The following CGNL1 variants were observed in gnomAD, a reference collection of about 807,000 sequenced individuals.
CGNL1 encodes cingulin-like protein 1.
In CGNL1, 132 loss-of-function variants were observed where a neutral mutation model predicts 141.2. The observed-to-expected ratio is 0.93, with a 90% CI of 0.81 to 1.08. The LOEUF is 1.08. CGNL1 is among the 50% of genes least tolerant of loss of function. The probability of loss-of-function intolerance (pLI) is 0.00; values close to 1 mark genes in which losing one functional copy is unlikely to be tolerated. For missense variants in CGNL1, 1,870 were observed against 1,588.6 expected, an observed-to-expected ratio of 1.18 and a Z score of -3.01; for synonymous variants, 690 against 622.1, an observed-to-expected ratio of 1.11 and a Z score of -1.63.
intron 4 of CGNL1, among the ~76,000 whole-genome samples, chr15:57,442,828 AG>A (rs1187510921): frequency 6.6e-6 from 1 of 152,164 alleles, no homozygotes; most frequent in Non-Finnish European, 1.5e-5. Flanking sequence ...CATGTTGCTC[AG>A]GCTGGTCTCG....
At chr15:57,394,332 T>C (rs954116654) in intron 1 of CGNL1, among the ~76,000 whole-genome samples, 1 of 151,810 alleles carries the variant, frequency 6.6e-6, no homozygotes, top group African/African-American at 2.4e-5. Flanking sequence ...TCCATGTTGG[T>C]CAGGCTGCTC....
At chr15:57,546,748 C>A (rs929180968) in intron 18 of CGNL1, among the ~76,000 whole-genome samples, 1 of 152,122 alleles carries the variant, frequency 6.6e-6, no homozygotes, top group Non-Finnish European at 1.5e-5. Flanking sequence ...TTTTTCTGCT[C>A]TAGGGTCTCT....
At chr15:57,425,355 C>A (rs12899790) in intron 1 of CGNL1, among the ~76,000 whole-genome samples, 7 of 152,036 alleles carry the variant, frequency 4.6e-5, no homozygotes, top group Non-Finnish European at 8.8e-5. Context: ...TGGAGCAATA[C>A]CCTGTCTCAA....
chr15:57,429,702 G>C (rs1471008869), intron 1 of CGNL1, among the ~76,000 whole-genome samples: 1 of 152,190 alleles, frequency 6.6e-6, no homozygotes, highest in Non-Finnish European at 1.5e-5. Flanking sequence ...ATGCTGCTTG[G>C]TTAATTAGTG....
chr15:57,500,658 A>AG (rs2064011609), intron 8 of CGNL1, among the ~76,000 whole-genome samples: 1 of 151,432 alleles, frequency 6.6e-6, no homozygotes, highest in East Asian at 1.9e-4. Context: ...GACTTTGGGA[A>AG]AAAAAAGCGT....
intron 10 of CGNL1, 92 bp downstream of exon 10, chr15:57,518,589 C>G (rs147969056): frequency 3.6e-6 from 3 of 843,688 alleles, no homozygotes; most frequent in Middle Eastern, 2.3e-4. Flanking sequence ...CCTTGGCCCT[C>G]TCTTTCCATG....
chr15:57,537,328 C>T (rs1474565946), intron 14 of CGNL1, among the ~76,000 whole-genome samples: 1 of 152,156 alleles, frequency 6.6e-6, no homozygotes, highest in Non-Finnish European at 1.5e-5. Context: ...TTGTGGGCTC[C>T]TACAGTCACT....
At chr15:57,461,168 T>A (rs892654992) in intron 7 of CGNL1, among the ~76,000 whole-genome samples, 1 of 151,994 alleles carries the variant, frequency 6.6e-6, no homozygotes, top group Non-Finnish European at 1.5e-5. Flanking sequence ...GGGGAAAATA[T>A]GAATATTGTG....
chr15:57,500,024 A>T (rs2063999743), intron 8 of CGNL1, among the ~76,000 whole-genome samples: 1 of 151,966 alleles, frequency 6.6e-6, no homozygotes, highest in South Asian at 2.1e-4. Context: ...ATACCTGGTA[A>T]ATGGGTTGGG....
chr15:57,512,532 C>T (rs762945640), intron 8 of CGNL1, among the ~76,000 whole-genome samples: 9 of 152,114 alleles, frequency 5.9e-5, no homozygotes, highest in Non-Finnish European at 1.2e-4. Context: ...CTAAGTGTCT[C>T]AATACACACA....
chr15:57,457,080 A>G (rs1314185206), intron 7 of CGNL1, among the ~76,000 whole-genome samples: 1 of 152,166 alleles, frequency 6.6e-6, no homozygotes, highest in African/African-American at 2.4e-5. Flanking sequence ...CAAAAAAATG[A>G]CAGAATTCTT....
At chr15:57,449,513 T>C (rs2063296603) in intron 4 of CGNL1, among the ~76,000 whole-genome samples, 1 of 152,192 alleles carries the variant, frequency 6.6e-6, no homozygotes, top group African/African-American at 2.4e-5. Context: ...TAGCATCCTA[T>C]AGCATGGAGC....
At position 57,438,982 on chromosome 15, in the gene CGNL1, G is replaced by T. The variant is rs766053332; in HGVS notation, c.983G>T (p.Arg328Leu). 2.3e-5 allele frequency: 37 copies of T among 1,614,150 alleles called. No homozygotes were observed. The highest frequency in any genetic ancestry group is 3.0e-5 in the Non-Finnish European group (35 of 1,180,036). ...ECAIHADNVN[R>L]HENRRYIPFL... ...GCCATCCATGCCGACAACGTCAATC[G>T]TCATGAAAACAGAAGGTATATTCCC... The change falls in exon 2 of 19, where the codon CGT becomes CTT. Residue 328 changes from arginine (R) to leucine (L), a missense_variant. Transcript: ENST00000281282.
At position 57,549,067 on chromosome 15, in the gene CGNL1, G is replaced by A. The variant is rs1367492610; in HGVS notation, c.*1577G>A. ...ATCGCCAGCAGCAGGCTGGCAGGGA[G>A]TGGTTGAGGTCTGGGGGCCAGGCCA... On this transcript the variant is annotated 3_prime_UTR_variant, in exon 19 of 19. Transcript: ENST00000281282. 1 of 152,452 alleles carries A rather than the reference G, an allele frequency of 6.6e-6. No homozygotes were observed. Among genetic ancestry groups the A allele is most frequent in the Non-Finnish European group, 1.5e-5 (1 of 68,218 alleles). 9.4% of individuals were successfully genotyped at this position (152,452 alleles called of 1,614,324 possible).
chr15:57,515,544 G>C (rs1456409550), intron 8 of CGNL1, among the ~76,000 whole-genome samples: 1 of 152,188 alleles, frequency 6.6e-6, no homozygotes, highest in African/African-American at 2.4e-5. Flanking sequence ...TTGTAGGCAT[G>C]AGATTTGCTG....
chr15:57,533,338 TCTC>T (rs2032063726), intron 14 of CGNL1, among the ~76,000 whole-genome samples: 1 of 152,184 alleles, frequency 6.6e-6, no homozygotes, highest in South Asian at 2.1e-4. Context: ...AACCTTGACA[TCTC>T]CTCTACTGCC....
At chr15:57,465,383 CTT>C (rs11332989) in intron 8 of CGNL1, among the ~76,000 whole-genome samples, 135 of 80,840 alleles carry the variant, frequency 1.7e-3, no homozygotes, top group East Asian at 3.1e-3. Context: ...TAAAAACTGA[CTT>C]TTTTTTTTTT....
intron 10 of CGNL1, among the ~76,000 whole-genome samples, chr15:57,521,984 T>C (rs2031289423): frequency 6.6e-6 from 1 of 152,168 alleles, no homozygotes; most frequent in Non-Finnish European, 1.5e-5. Context: ...ATACCATACC[T>C]CACTGGTTCT....
chr15:57,541,686 T>G (rs2032572291), intron 14 of CGNL1, among the ~76,000 whole-genome samples: 2 of 152,176 alleles, frequency 1.3e-5, no homozygotes, highest in South Asian at 4.1e-4. Context: ...CTAGGCCTAT[T>G]GGAATCCTTT....
Sources: allele counts gnomAD v4.1 joint callset (sites outside exome capture counted in the v4.1 genomes callset), GRCh38; gene constraint gnomAD v4.1.1; transcripts MANE v1.5; gene names NCBI Gene and HGNC (gene_info 2026-07-23, HGNC 2026-07-21).